Variants in DPPA2 observed in about 807,000 individuals in gnomAD.
DPPA2 encodes developmental pluripotency associated 2.
DPPA2 carries 26 observed loss-of-function variants against 36.2 expected under a neutral mutation model. The observed-to-expected ratio is 0.72, with a 90% CI of 0.53 to 1.00. DPPA2 has a LOEUF of 1.00. DPPA2 is among the 50% of genes least tolerant of loss of function. The pLI is 0.00. For synonymous variants in DPPA2, 113 were observed against 123.2 expected (o/e 0.92, Z 0.55); for missense variants, 361 against 365.1 (o/e 0.99, Z 0.09).
chr3:109,310,434 G>A (rs1286283006), intron 3 of DPPA2, among the ~76,000 whole-genome samples: 1 of 147,086 alleles, frequency 6.8e-6, no homozygotes, highest in Non-Finnish European at 1.5e-5. Flanking sequence ...AAAAAAGGGA[G>A]GTAAGAGATT....
rs760984281 is a variant in DPPA2, at chr3:109,308,090, C to T, written c.600G>A (p.Lys200=). ...CAGGAATGGAACATGAATTCAAAGC[C>T]TTAGGCTGAACAGCTCTTGCAGCAA... ...ARIAARAVQP[K]ALNSCSIPVS... Residue 200 remains lysine, a synonymous_variant, in exon 6 of 9, where the codon AAG becomes AAA. Transcript: ENST00000478945. 1.1e-5 allele frequency: 17 copies of T among 1,614,206 alleles called. 1 individual carries two copies. The South Asian group carries it at 1.9e-4, about 18-fold the overall frequency.
intron 8 of DPPA2, among the ~76,000 whole-genome samples, chr3:109,298,515 C>A (rs1473921405): frequency 6.6e-6 from 1 of 150,552 alleles, no homozygotes; most frequent in Non-Finnish European, 1.5e-5. Flanking sequence ...GAGCTCAAGA[C>A]CAGCCTGGCC....
At chr3:109,312,791 T>A in intron 2 of DPPA2, 99 bp from the exon 3 acceptor site, 1 of 1,386,220 alleles carries the variant, frequency 7.2e-7, no homozygotes, top group Non-Finnish European at 9.8e-7. Context: ...GAGAAGACAG[T>A]AGGTGGATGG....
In DPPA2 at chr3:109,314,072, G is replaced by T. The variant is rs115247961; in HGVS notation, c.33+438C>A. Among the ~76,000 whole-genome samples, 879 of 151,792 alleles carry T rather than the reference G, an allele frequency of 5.8e-3. 10 individuals carry two copies. The highest frequency in any genetic ancestry group is 0.02 in the African/African-American group (820 of 41,330). ...CTACTCTGAAAGAAAGTAACCAATT[G>T]GTCACTTTACTTTATGACTTTATCC... On this transcript the variant is annotated intron_variant, in intron 2 of 8. Transcript: ENST00000478945.
At chr3:109,312,793 G>C (rs1391302477) in intron 2 of DPPA2, 101 bp from the exon 3 acceptor site, 5 of 1,360,334 alleles carry the variant, frequency 3.7e-6, no homozygotes, top group Middle Eastern at 1.9e-4. Flanking sequence ...GAAGACAGTA[G>C]GTGGATGGAG....
chr3:109,312,558 C>T lies in DPPA2; in HGVS notation c.168G>A (p.Lys56=), dbSNP rs773072062. ...STSDVKLEKP[K]KYNPGHLLQT... ...CTGTCCTCATACCTGGATTGTATTT[C>T]TTAGGCTTCTCCAGTTTGACATCAG... Residue 56 remains lysine (K), a synonymous_variant, in exon 3 of 9, where the codon AAG becomes AAA. Transcript: ENST00000478945. 2.5e-6 allele frequency: 4 copies of T among 1,613,050 alleles called. No individual in the cohort carries two copies. The highest frequency in any genetic ancestry group is 3.4e-6 in the Non-Finnish European group (4 of 1,179,482).
In DPPA2 at chr3:109,312,667, T is replaced by C. The variant is rs1043742498; in HGVS notation, c.59A>G (p.Asp20Gly). The C allele has an allele frequency of 2.5e-6, 4 of 1,613,784 alleles. No individual in the cohort carries two copies. The highest frequency in any genetic ancestry group is 1.3e-5 in the African/African-American group (1 of 74,924). The change falls in exon 3 of 9, where the codon GAT becomes GGT. Residue 20 changes from aspartate to glycine, a missense_variant. Asp to Gly is a moderately conservative substitution (Grantham distance 94). Transcript: ENST00000478945. ...CAGTGTCAAAATCACACTTTCCTCA[T>C]CATCTACTTCCCCCTCCAAGAAATT... ...KKNFLEGEVD[D>G]EESVILTLVP...
intron 3 of DPPA2, among the ~76,000 whole-genome samples, chr3:109,309,849 A>G (rs1707664156): frequency 6.6e-6 from 1 of 151,456 alleles, no homozygotes; most frequent in East Asian, 2.0e-4. Context: ...GCTGAGGCAA[A>G]TTCGCCCAAA....
intron 2 of DPPA2, among the ~76,000 whole-genome samples, chr3:109,313,195 G>C (rs1332810138): frequency 6.6e-6 from 1 of 152,178 alleles, no homozygotes; most frequent in African/African-American, 2.4e-5. Context: ...TCAATGGCTT[G>C]TCATTGTTAT....
chr3:109,315,984 C>G (rs568869331), intron 1 of DPPA2, among the ~76,000 whole-genome samples: 11 of 152,348 alleles, frequency 7.2e-5, no homozygotes, highest in Middle Eastern at 3.4e-3. Flanking sequence ...CCCCACCACC[C>G]AAGACATCCT....
intron 2 of DPPA2, among the ~76,000 whole-genome samples, chr3:109,313,842 G>GA (rs1348518140): frequency 6.6e-6 from 1 of 152,118 alleles, no homozygotes; most frequent in African/African-American, 2.4e-5. Context: ...CTATTACAGA[G>GA]AAAAGTAGGG....
chr3:109,314,434 G>C (rs1707757010), intron 2 of DPPA2, 76 bp downstream of exon 2: 3 of 1,437,022 alleles, frequency 2.1e-6, no homozygotes, highest in East Asian at 4.7e-5. Context: ...TGTGGTAAAA[G>C]AGAAACATAA....
At position 109,304,492 on chromosome 3, in the gene DPPA2, G is replaced by T; in HGVS notation, c.837C>A (p.Cys279Ter). Residue 279 changes from cysteine to a stop codon, truncating the protein, a stop_gained, in exon 7 of 9, where the codon TGC becomes TGA. Coordinates refer to ENST00000478945, the MANE Select transcript of DPPA2 (RefSeq NM_138815.4). LOFTEE classifies it high-confidence loss of function. ...AGGGTTACCTCTTAGCACAGTCGGGGCATAACATATTATCTTCTATGCCTG... is the reference window on the plus strand; with the variant it reads ...AGGGTTACCTCTTAGCACAGTCGGGTCATAACATATTATCTTCTATGCCTG... The part of the protein sequence containing the change: ...PSPGIEDNML[C>*]PDCAKRNKKM... 2.5e-6 allele frequency: 4 copies of T among 1,613,246 alleles called. No individual in the cohort carries two copies. Among genetic ancestry groups the T allele is most frequent in the Non-Finnish European group, 3.4e-6 (4 of 1,179,622 alleles).
chr3:109,309,749 T>A (rs917940051), intron 3 of DPPA2, among the ~76,000 whole-genome samples: 1 of 149,878 alleles, frequency 6.7e-6, no homozygotes, highest in South Asian at 2.1e-4. Context: ...AATTTGCATA[T>A]ACACATATCA....
At chr3:109,305,299 A>G (rs749917863) in intron 6 of DPPA2, among the ~76,000 whole-genome samples, 2 of 152,078 alleles carry the variant, frequency 1.3e-5, no homozygotes, top group Non-Finnish European at 2.9e-5. Context: ...TTTACCTTCT[A>G]TTTGCTTTTC....
chr3:109,307,950 C>G (rs1270363581), intron 6 of DPPA2, 82 bp downstream of exon 6: 1 of 1,493,518 alleles, frequency 6.7e-7, no homozygotes, highest in Non-Finnish European at 9.0e-7. Context: ...AATGCCTTCC[C>G]TTTGACCACG....
Position 109,312,549 on chromosome 3 carries a change from A to C in DPPA2, c.177T>G (p.Asn59Lys), listed in dbSNP as rs773985111. The C allele has an allele frequency of 1.9e-6, 3 of 1,612,704 alleles. No individual in the cohort carries two copies. Among genetic ancestry groups the C allele is most frequent in the Non-Finnish European group, 2.5e-6 (3 of 1,179,278 alleles). ...GAGCAATCCCTGTCCTCATACCTGG[A>C]TTGTATTTCTTAGGCTTCTCCAGTT... ...DVKLEKPKKY[N>K]PGHLLQTNEQ... Residue 59 changes from asparagine (N) to lysine (K), a missense_variant, in exon 3 of 9, where the codon AAT (asparagine) becomes AAG (lysine). By Grantham distance (94) the Asn-to-Lys change is moderately conservative. Transcript: ENST00000478945.
intron 8 of DPPA2, among the ~76,000 whole-genome samples, chr3:109,296,681 A>G (rs528035302): frequency 7.8e-4 from 56 of 71,768 alleles, no homozygotes; most frequent in African/African-American, 2.0e-3. Flanking sequence ...TGTCTCAAAA[A>G]AAATAATAAA....
Position 109,304,572 on chromosome 3 carries a change from T to C in DPPA2, c.757A>G (p.Thr253Ala), listed in dbSNP as rs1041220661. Residue 253 changes from threonine to alanine, a missense_variant, in exon 7 of 9, where the codon ACT (threonine) becomes GCT (alanine). Coordinates refer to ENST00000478945, the MANE Select transcript of DPPA2 (RefSeq NM_138815.4). ...AAGAGAGAAATCATCCTCCTGTGAG[T>C]GGTAGGCACCCAGGCCTGACCTGCA... ...FHAGQAWVPT[T>A]HRRMISLFLL... 5.6e-6 allele frequency: 9 copies of C among 1,613,912 alleles called. No individual in the cohort carries two copies. The highest frequency in any genetic ancestry group is 7.6e-6 in the Non-Finnish European group (9 of 1,180,010).
Sources: allele counts gnomAD v4.1 joint callset (sites outside exome capture counted in the v4.1 genomes callset), GRCh38; gene constraint gnomAD v4.1.1; transcripts MANE v1.5; gene names NCBI Gene and HGNC (gene_info 2026-07-23, HGNC 2026-07-21).